Variants in SLC32A1 observed in about 807,000 individuals in gnomAD.
SLC32A1 encodes vesicular inhibitory amino acid transporter.
SLC32A1 carries 8 observed loss-of-function variants against 35.5 expected under a neutral mutation model. The observed-to-expected ratio is 0.23, with a 90% CI of 0.13 to 0.41. The LOEUF is 0.41. Among genes scored for constraint, SLC32A1 ranks in the 10% least tolerant of loss-of-function variants. The pLI, the probability that SLC32A1 is intolerant of heterozygous loss-of-function variation, is 1.00. For missense variants in SLC32A1, 493 were observed against 722.3 expected (o/e 0.68, Z 3.64); for synonymous variants, 317 against 326.3 (o/e 0.97, Z 0.31).
At position 38,727,383 on chromosome 20, in the gene SLC32A1, C is replaced by G. The variant is rs528460267; in HGVS notation, c.391-69C>G. Reference sequence around the variant, plus strand: ...CTTCGGGCCACAGCGTTAAGCCACGCCCCCCGGGCCCCTCATCCGTTGCCA... The same window carrying G: ...CTTCGGGCCACAGCGTTAAGCCACGGCCCCCGGGCCCCTCATCCGTTGCCA... On this transcript the variant is annotated intron_variant, in intron 1 of 1. Coordinates refer to ENST00000217420, the MANE Select transcript of SLC32A1 (RefSeq NM_080552.3). 1.0e-5 allele frequency: 15 copies of G among 1,460,464 alleles called. No homozygotes were observed. In the East Asian group the frequency reaches 3.4e-4, roughly 33 times the overall value. The allele number at this position is 1,460,464 out of a possible 1,614,324, so 90.5% of individuals were successfully genotyped here.
At position 38,728,223 on chromosome 20, in the gene SLC32A1, G is replaced by T; in HGVS notation, c.1162G>T (p.Ala388Ser). ...IRAVVNIFLV[A>S]KALLSYPLPF... ...CGCCGTGGTCAACATCTTTCTGGTG[G>T]CCAAGGCGCTGTTGTCCTATCCTCT... The change falls in exon 2 of 2, where the codon GCC becomes TCC. Residue 388 changes from alanine to serine, a missense_variant. Physicochemically the swap from Ala to Ser is moderately conservative, Grantham distance 99 (BLOSUM62 1). Coordinates refer to ENST00000217420, the MANE Select transcript of SLC32A1 (RefSeq NM_080552.3). 1 of 1,614,186 alleles carries T rather than the reference G, an allele frequency of 6.2e-7. No homozygotes were observed. Among genetic ancestry groups the T allele is most frequent in the Non-Finnish European group, 8.5e-7 (1 of 1,180,036 alleles).
intron 1 of SLC32A1, 37 bp downstream of exon 1, chr20:38,725,151 C>G (rs532367215): frequency 6.3e-5 from 95 of 1,501,344 alleles, no homozygotes; most frequent in African/African-American, 5.8e-4. Flanking sequence ...TGTCCTCCCC[C>G]CTCCCAGCTC....
In SLC32A1 at chr20:38,727,442, C is replaced by T. The variant is rs1281269210; in HGVS notation, c.391-10C>T. ...GAGCGTCCGCGTCTGGTTGCCTCTC[C>T]GCCCCACAGGGCATGTTCGTGCTGG... is the stretch of plus-strand genomic sequence containing the variant. On this transcript the variant is annotated splice_polypyrimidine_tract_variant and intron_variant, in intron 1 of 1. Coordinates refer to ENST00000217420, the MANE Select transcript of SLC32A1 (RefSeq NM_080552.3). 2.5e-6 allele frequency: 4 copies of T among 1,600,064 alleles called. No homozygotes were observed. In the African/African-American group the frequency reaches 4.0e-5, roughly 16 times the overall value.
Position 38,724,608 on chromosome 20 carries a change from C to T in SLC32A1, c.-117C>T. On this transcript the variant is annotated 5_prime_UTR_variant, in exon 1 of 2. Coordinates refer to ENST00000217420, the MANE Select transcript of SLC32A1 (RefSeq NM_080552.3). ...GGTCATGAGCCAGAGAGCCCCGGGGCGCCGCGCGGAGAGCAAGCGGAGATA... is the reference window on the plus strand; with the variant it reads ...GGTCATGAGCCAGAGAGCCCCGGGGTGCCGCGCGGAGAGCAAGCGGAGATA... 1.5e-6 allele frequency: 2 copies of T among 1,304,066 alleles called. No individual in the cohort carries two copies. Among genetic ancestry groups the T allele is most frequent in the Non-Finnish European group, 2.1e-6 (2 of 971,410 alleles). 80.8% of individuals were successfully genotyped at this position (1,304,066 alleles called of 1,614,324 possible). A position where few individuals can be genotyped will look rare whatever the true frequency, so the allele number is the denominator to read the frequency against.
At chr20:38,727,340 C>T in intron 1 of SLC32A1, 112 bp from the exon 2 acceptor site, 7 of 1,019,430 alleles carry the variant, frequency 6.9e-6, no homozygotes, top group Non-Finnish European at 1.0e-5. Flanking sequence ...ACCCAATTCT[C>T]AGTGTCCTTA....
At position 38,725,026 on chromosome 20, in the gene SLC32A1, A is replaced by T. The variant is rs1157562457; in HGVS notation, c.302A>T (p.Gln101Leu). The T allele has an allele frequency of 3.9e-6, 6 of 1,543,962 alleles. No homozygotes were observed. Among genetic ancestry groups the T allele is most frequent in the African/African-American group, 2.8e-5 (2 of 72,280 alleles). The change falls in exon 1 of 2, where the codon CAG becomes CTG. Residue 101 changes from glutamine (Q) to leucine (L), a missense_variant. Transcript: ENST00000217420. ...CTGCCGCCCTCCGGCTCCAAGGACC[A>T]GGTGGGAGGTGGTGGCGAATTCGGG... is the stretch of plus-strand genomic sequence containing the variant. ...APLPPSGSKD[Q>L]VGGGGEFGGH...
In SLC32A1 at chr20:38,724,720, C is replaced by T. The variant is rs753001732; in HGVS notation, c.-5C>T. On this transcript the variant is annotated 5_prime_UTR_variant, in exon 1 of 2. Transcript: ENST00000217420. ...TCTGTCCTTTCCGCTGTCCCCACCG[C>T]CGCCATGGCCACCTTGCTCCGCAGC... 4.4e-6 allele frequency: 7 copies of T among 1,597,098 alleles called. No individual in the cohort carries two copies. The highest frequency in any genetic ancestry group is 5.1e-6 in the Non-Finnish European group (6 of 1,172,094).
In SLC32A1 at chr20:38,724,547, T is replaced by A; in HGVS notation, c.-178T>A. The A allele has an allele frequency of 1.3e-6, 1 of 781,612 alleles. No homozygotes were observed. Among genetic ancestry groups the A allele is most frequent in the Non-Finnish European group, 2.0e-6 (1 of 508,852 alleles). 48.4% of individuals were successfully genotyped at this position (781,612 alleles called of 1,614,324 possible). A position where few individuals can be genotyped will look rare whatever the true frequency, so the allele number is the denominator to read the frequency against. ...CCAGACCTGCTGCCAGCTTGCCCGGTCCAGCCCTGAGAGAGCCTCGAACGC... is the reference window on the plus strand; with the variant it reads ...CCAGACCTGCTGCCAGCTTGCCCGGACCAGCCCTGAGAGAGCCTCGAACGC... On this transcript the variant is annotated 5_prime_UTR_variant, in exon 1 of 2. Transcript: ENST00000217420.
At position 38,728,774 on chromosome 20, in the gene SLC32A1, T is replaced by A; in HGVS notation, c.*135T>A. On this transcript the variant is annotated 3_prime_UTR_variant, in exon 2 of 2. Coordinates refer to ENST00000217420, the MANE Select transcript of SLC32A1 (RefSeq NM_080552.3). ...AACATCTCTGGTTCCTAGTTTCTGATTATTCGGGGATGGGGGGGATGGGAG... is the reference window on the plus strand; with the variant it reads ...AACATCTCTGGTTCCTAGTTTCTGAATATTCGGGGATGGGGGGGATGGGAG... 1 of 682,156 alleles carries A rather than the reference T, an allele frequency of 1.5e-6. No individual in the cohort carries two copies. The highest frequency in any genetic ancestry group is 2.4e-6 in the Non-Finnish European group (1 of 414,846). The allele number at this position is 682,156 out of a possible 1,614,324, so 42.3% of individuals were successfully genotyped here. A position where few individuals can be genotyped will look rare whatever the true frequency, so the allele number is the denominator to read the frequency against.
intron 1 of SLC32A1, 132 bp from the exon 2 acceptor site, chr20:38,727,320 G>T: frequency 1.3e-6 from 1 of 779,928 alleles, no homozygotes; most frequent in Non-Finnish European, 2.0e-6. Context: ...TCTCCTCCCC[G>T]GCGGCTCAGA....
rs2145648151 is a variant in SLC32A1, at chr20:38,725,105, C to T, written c.381C>T (p.Asn127=). The change falls in exon 1 of 2, where the codon AAC becomes AAT. Residue 127 remains asparagine, a synonymous_variant. Coordinates refer to ENST00000217420, the MANE Select transcript of SLC32A1 (RefSeq NM_080552.3). The stretch of plus-strand genomic sequence containing the variant: ...GGGAGGCAGGCTGGAACGTGACCAA[C>T]GCCATCCAGGTAAGCGCGGGATTCC... ...TAWEAGWNVT[N]AIQGMFVLGL... is the part of the protein sequence containing the mutation. The T allele has an allele frequency of 1.3e-6, 2 of 1,510,878 alleles. No individual in the cohort carries two copies. The highest frequency in any genetic ancestry group is 1.8e-6 in the Non-Finnish European group (2 of 1,130,470). 93.6% of individuals were successfully genotyped at this position (1,510,878 alleles called of 1,614,324 possible). A position where few individuals can be genotyped will look rare whatever the true frequency, so the allele number is the denominator to read the frequency against.
Position 38,728,048 on chromosome 20 carries a change from T to C in SLC32A1, c.987T>C (p.Asn329=), listed in dbSNP as rs149484887. The C allele has an allele frequency of 1.8e-4, 298 of 1,613,888 alleles. No individual in the cohort carries two copies. The highest frequency in any genetic ancestry group is 3.3e-4 in the Middle Eastern group (2 of 6,084). ...SQIFLPSLEG[N]MQQPSEFHCM... is the part of the protein sequence containing the mutation. ...TCTTCCTGCCTTCGCTGGAGGGCAA[T>C]ATGCAGCAGCCCAGCGAGTTCCACT... The change falls in exon 2 of 2, where the codon AAT becomes AAC. Residue 329 remains asparagine (N), a synonymous_variant. Coordinates refer to ENST00000217420, the MANE Select transcript of SLC32A1 (RefSeq NM_080552.3).
rs1413669946 is a variant in SLC32A1, at chr20:38,728,679, C to T, written c.*40C>T. ...CCCCCGCCGCGCTTCTGCGCTCTCT[C>T]CCTTCTCCCCTCACCCCGCCCCCAC... On this transcript the variant is annotated 3_prime_UTR_variant, in exon 2 of 2. Coordinates refer to ENST00000217420, the MANE Select transcript of SLC32A1 (RefSeq NM_080552.3). 1.3e-6 allele frequency: 2 copies of T among 1,522,912 alleles called. No individual in the cohort carries two copies. The highest frequency in any genetic ancestry group is 1.8e-6 in the Non-Finnish European group (2 of 1,130,076). The allele number at this position is 1,522,912 out of a possible 1,614,324, so 94.3% of individuals were successfully genotyped here.
At position 38,726,394 on chromosome 20, in the gene SLC32A1, C is replaced by T. The variant is rs1017910498; in HGVS notation, c.391-1058C>T. Among the ~76,000 whole-genome samples, 1 of 152,196 alleles carries T rather than the reference C, an allele frequency of 6.6e-6. No homozygotes were observed. The highest frequency in any genetic ancestry group is 1.5e-5 in the Non-Finnish European group (1 of 68,042). On this transcript the variant is annotated intron_variant, in intron 1 of 1. Coordinates refer to ENST00000217420, the MANE Select transcript of SLC32A1 (RefSeq NM_080552.3). The surrounding 1 kb of genome is among the most constrained non-coding windows in gnomAD (Gnocchi z 4.7). ...CCGGCGAGACGGCCTTGCTGGATCACGGACCCGGGGCTGCTCCCGCCTTCG... is the reference window on the plus strand; with the variant it reads ...CCGGCGAGACGGCCTTGCTGGATCATGGACCCGGGGCTGCTCCCGCCTTCG...
intron 1 of SLC32A1, among the ~76,000 whole-genome samples, 182 bp from the exon 2 acceptor site, chr20:38,727,270 A>G (rs2084279827): frequency 6.6e-6 from 1 of 151,660 alleles, no homozygotes; most frequent in Non-Finnish European, 1.5e-5. Flanking sequence ...CGGGCTCACT[A>G]TTAGTTCCCC....
At position 38,725,025 on chromosome 20, in the gene SLC32A1, C is replaced by A. The variant is rs2084269458; in HGVS notation, c.301C>A (p.Gln101Lys). The change falls in exon 1 of 2, where the codon CAG (glutamine) becomes AAG (lysine). Residue 101 changes from glutamine to lysine, a missense_variant. Transcript: ENST00000217420. ...APLPPSGSKD[Q>K]VGGGGEFGGH... The stretch of plus-strand genomic sequence containing the variant: ...TCTGCCGCCCTCCGGCTCCAAGGAC[C>A]AGGTGGGAGGTGGTGGCGAATTCGG... 1.9e-6 allele frequency: 3 copies of A among 1,558,748 alleles called. No individual in the cohort carries two copies. The highest frequency in any genetic ancestry group is 1.2e-5 in the South Asian group (1 of 82,044).
chr20:38,728,778 TC>T lies in SLC32A1; in HGVS notation c.*140del. On this transcript the variant is annotated 3_prime_UTR_variant, in exon 2 of 2. Coordinates refer to ENST00000217420, the MANE Select transcript of SLC32A1 (RefSeq NM_080552.3). ...TCTCTGGTTCCTAGTTTCTGATTAT[TC>T]GGGGATGGGGGGGATGGGAGGGGAC... is the stretch of plus-strand genomic sequence containing the variant. 5 of 355,506 alleles carry T rather than the reference TC, an allele frequency of 1.4e-5. No homozygotes were observed. Among genetic ancestry groups the T allele is most frequent in the Non-Finnish European group, 2.1e-5 (4 of 186,172 alleles). The allele number at this position is 355,506 out of a possible 1,614,324, so 22.0% of individuals were successfully genotyped here. A position where few individuals can be genotyped will look rare whatever the true frequency, so the allele number is the denominator to read the frequency against.
rs1430070291 is a variant in SLC32A1 at position 38,724,891 on chromosome 20, A to T, written c.167A>T (p.Gln56Leu). Residue 56 changes from glutamine to leucine, a missense_variant, in exon 1 of 2, where the codon CAG becomes CTG. This residue lies in a region of SLC32A1 where 133 missense variants were observed against 145.9 expected (regional missense o/e 0.91). Coordinates refer to ENST00000217420, the MANE Select transcript of SLC32A1 (RefSeq NM_080552.3). Reference sequence around the variant, plus strand: ...GACGACCTCGACTTTGAGCACCGCCAGGGCCTGCAGATGGACATCCTGAAA... The same window carrying T: ...GACGACCTCGACTTTGAGCACCGCCTGGGCCTGCAGATGGACATCCTGAAA... ...HCDDLDFEHR[Q>L]GLQMDILKAE... 1 of 1,613,886 alleles carries T rather than the reference A, an allele frequency of 6.2e-7. No homozygotes were observed. The highest frequency in any genetic ancestry group is 8.5e-7 in the Non-Finnish European group (1 of 1,180,008).
At position 38,727,811 on chromosome 20, in the gene SLC32A1, G is replaced by C; in HGVS notation, c.750G>C (p.Val250=). ...QKSWSIIATA[V]LLPCAFLKNL... ...CCTGGTCCATTATCGCCACGGCCGTGCTGCTGCCTTGCGCCTTCCTTAAGA... is the reference window on the plus strand; with the variant it reads ...CCTGGTCCATTATCGCCACGGCCGTCCTGCTGCCTTGCGCCTTCCTTAAGA... The change falls in exon 2 of 2, where the codon GTG becomes GTC. Residue 250 remains valine, a synonymous_variant. Coordinates refer to ENST00000217420, the MANE Select transcript of SLC32A1 (RefSeq NM_080552.3). 6.2e-7 allele frequency: 1 copy of C among 1,614,190 alleles called. No individual in the cohort carries two copies. The highest frequency in any genetic ancestry group is 1.1e-5 in the South Asian group (1 of 91,080).
Sources: gnomAD v4.1 joint callset for allele counts (sites outside exome capture counted in the v4.1 genomes callset) on GRCh38, gnomAD v4.1.1 for gene constraint, gnomAD v4.1.1 regional missense constraint, Gnocchi (gnomAD v3.1) non-coding constraint, MANE v1.5 for transcripts, NCBI Gene and HGNC (gene_info 2026-07-23, HGNC 2026-07-21) for gene names.